The following SERPINE2 variants were observed in gnomAD, a reference collection of about 807,000 sequenced individuals.
SERPINE2 encodes serpin family E member 2.
Under a neutral mutation model 36.3 loss-of-function variants are expected in SERPINE2, and 14 were observed. The observed-to-expected ratio is 0.39, with a 90% CI of 0.25 to 0.60. The LOEUF (loss-of-function observed/expected upper bound fraction) is 0.60, where lower values mean the gene tolerates loss of function less well. Among genes scored for constraint, SERPINE2 ranks in the 20% least tolerant of loss-of-function variants. The pLI is 0.57. For synonymous variants in SERPINE2, 192 were observed against 191.8 expected (o/e 1.00, Z -0.01); for missense variants, 418 against 499.6 (o/e 0.84, Z 1.56).
chr2:223,986,818 C>T (rs778749745), intron 4 of SERPINE2, among the ~76,000 whole-genome samples: 1 of 152,074 alleles, frequency 6.6e-6, no homozygotes, highest in Non-Finnish European at 1.5e-5. Flanking sequence ...AACCATGAAC[C>T]GCATCCAGTC....
intron 1 of SERPINE2, among the ~76,000 whole-genome samples, chr2:224,015,862 G>A (rs1365733250): frequency 1.3e-5 from 2 of 152,140 alleles, no homozygotes; most frequent in Non-Finnish European, 2.9e-5. Flanking sequence ...AAGAGACTAG[G>A]AGAAAATATT....
Position 224,029,862 on chromosome 2 carries a change from C to T in SERPINE2, c.-23+9237G>A, listed in dbSNP as rs1692301149. ...TACGGGCGTGCGTCACCATGCCCAG[C>T]TAATTTTTTGCATTTTTAGTAGAGA... On this transcript the variant is annotated intron_variant, in intron 1 of 8. Coordinates refer to ENST00000409304, the MANE Select transcript of SERPINE2 (RefSeq NM_001136528.2). Among the ~76,000 whole-genome samples the T allele has an allele frequency of 2.0e-5, 3 of 152,224 alleles. No homozygotes were observed. The South Asian group carries it at 6.2e-4, about 32-fold the overall frequency.
At chr2:224,035,320 C>T (rs978430473) in intron 1 of SERPINE2, among the ~76,000 whole-genome samples, 4 of 152,156 alleles carry the variant, frequency 2.6e-5, no homozygotes, top group African/African-American at 9.7e-5. Flanking sequence ...CACTGGAAAC[C>T]CAGCAGCAGC....
At chr2:223,985,026 G>T in intron 4 of SERPINE2, 76 bp from the exon 5 acceptor site, 1 of 1,318,216 alleles carries the variant, frequency 7.6e-7, no homozygotes, top group Non-Finnish European at 1.1e-6. Context: ...TGGTCACCGG[G>T]ATAGCTTCAG....
intron 4 of SERPINE2, chr2:223,985,198 G>A (rs1690379284): frequency 7.9e-6 from 4 of 507,512 alleles, no homozygotes; most frequent in South Asian, 5.0e-5. Context: ...TTCTGTTAAG[G>A]AGAATTTAAC....
chr2:223,991,805 C>T lies in SERPINE2; in HGVS notation c.683G>A (p.Cys228Tyr). The T allele has an allele frequency of 1.2e-6, 2 of 1,613,774 alleles. No individual in the cohort carries two copies. Among genetic ancestry groups the T allele is most frequent in the East Asian group, 2.2e-5 (1 of 44,888 alleles). The change falls in exon 4 of 9, where the codon TGT (cysteine) becomes TAT (tyrosine). Residue 228 changes from cysteine to tyrosine, a missense_variant and splice_region_variant. By Grantham distance (194) the Cys-to-Tyr change is radical. Transcript: ENST00000409304. ...GGCTTCGCTGAGCATGAACTCACCA[C>T]ACCGGAACACGGAGAGCTGGGCCAG... Reference protein sequence around the residue: ...PMLAQLSVFRCGSTSAPNDLW... With the variant: ...PMLAQLSVFRYGSTSAPNDLW...
intron 1 of SERPINE2, chr2:224,031,131 G>C (rs1692349419): frequency 1.0e-6 from 1 of 985,392 alleles, no homozygotes; most frequent in Admixed American, 6.1e-5. Flanking sequence ...GTAAATCTTT[G>C]AATATCCATG....
chr2:223,985,769 C>T (rs1416769062), intron 4 of SERPINE2, among the ~76,000 whole-genome samples: 4 of 152,222 alleles, frequency 2.6e-5, no homozygotes, highest in Admixed American at 2.6e-4. Flanking sequence ...GGATTGTCTT[C>T]CTCCTACTTC....
chr2:223,989,739 C>G (rs551231934), intron 4 of SERPINE2, among the ~76,000 whole-genome samples: 36 of 152,282 alleles, frequency 2.4e-4, no homozygotes, highest in Non-Finnish European at 4.1e-4. Context: ...GTGAGCTAAG[C>G]TGTTCGCCGT....
chr2:224,005,044 ATTTTATATATTTTATATATAT>A (rs1691343409), intron 1 of SERPINE2, among the ~76,000 whole-genome samples: 1 of 20,250 alleles, frequency 4.9e-5, no homozygotes, highest in Non-Finnish European at 1.1e-4. Context: ...ATATAAATAT[ATTTTATATATTTTATATATAT>A]TATATATATA....
At chr2:224,036,100 G>T (rs1050028541) in intron 1 of SERPINE2, among the ~76,000 whole-genome samples, 1 of 152,098 alleles carries the variant, frequency 6.6e-6, no homozygotes, top group Admixed American at 6.5e-5. Context: ...GGCCTAAAGG[G>T]CACGGGTAAG....
intron 1 of SERPINE2, among the ~76,000 whole-genome samples, chr2:224,037,993 A>G: frequency 6.6e-6 from 1 of 152,194 alleles, no homozygotes; most frequent in East Asian, 1.9e-4. Context: ...AAATACTGCA[A>G]ATAGCAAATA....
At position 223,998,241 on chromosome 2, in the gene SERPINE2, C is replaced by T. The variant is rs766183421; in HGVS notation, c.361G>A (p.Glu121Lys). The T allele has an allele frequency of 1.9e-6, 3 of 1,614,166 alleles. No individual in the cohort carries two copies. The South Asian group carries it at 3.3e-5, about 18-fold the overall frequency. ...CTTGTAACAAAAGGCACTTCAATTT[C>T]AGAGGCATTCTTAACAAACACGGCG... The part of the protein sequence containing the change: ...ANAVFVKNAS[E>K]IEVPFVTRNK... Residue 121 changes from glutamate to lysine, a missense_variant, in exon 3 of 9, where the codon GAA becomes AAA. By Grantham distance (56) the Glu-to-Lys change is moderately conservative (BLOSUM62 1). Coordinates refer to ENST00000409304, the MANE Select transcript of SERPINE2 (RefSeq NM_001136528.2).
chr2:224,026,019 T>A lies in SERPINE2; in HGVS notation c.-23+13080A>T, dbSNP rs145570445. 3.7e-3 allele frequency among the ~76,000 whole-genome samples: 569 copies of A among 152,360 alleles called. 4 individuals carry two copies. The highest frequency in any genetic ancestry group is 0.013 in the African/African-American group (544 of 41,584). Reference sequence around the variant, plus strand: ...GGGCGTGACCATAAGGCTGAACTGTTCTTAATGAAATAGGAGAAGTGACAC... The same window carrying A: ...GGGCGTGACCATAAGGCTGAACTGTACTTAATGAAATAGGAGAAGTGACAC... On this transcript the variant is annotated intron_variant, in intron 1 of 8. Transcript: ENST00000409304.
At chr2:223,988,783 G>C (rs1690533903) in intron 4 of SERPINE2, among the ~76,000 whole-genome samples, 1 of 152,098 alleles carries the variant, frequency 6.6e-6, no homozygotes, top group Non-Finnish European at 1.5e-5. Context: ...GTTGTTATAG[G>C]AAAAAAGCAG....
intron 1 of SERPINE2, among the ~76,000 whole-genome samples, chr2:224,009,554 G>T (rs1691551538): frequency 6.6e-6 from 1 of 152,100 alleles, no homozygotes; most frequent in East Asian, 1.9e-4. Flanking sequence ...AATCAGCTGG[G>T]TGTGGTAGCA....
At chr2:224,009,217 C>A (rs1559211465) in intron 1 of SERPINE2, among the ~76,000 whole-genome samples, 1 of 152,150 alleles carries the variant, frequency 6.6e-6, no homozygotes, top group Non-Finnish European at 1.5e-5. Flanking sequence ...AAGCTGACAC[C>A]TTCTCAGGCA....
At position 224,030,901 on chromosome 2, in the gene SERPINE2, T is replaced by A. The variant is rs192564622; in HGVS notation, c.-23+8198A>T. The stretch of plus-strand genomic sequence containing the variant: ...CAAAGGTCAGTACTAATTTTAGATT[T>A]CAGTCCCAGAAAAAAACAAGTGTCT... On this transcript the variant is annotated intron_variant, in intron 1 of 8. Transcript: ENST00000409304. 1.3e-4 allele frequency: 120 copies of A among 931,978 alleles called. No homozygotes were observed. In the East Asian group the frequency reaches 0.012, roughly 91 times the overall value. 57.7% of individuals were successfully genotyped at this position (931,978 alleles called of 1,614,324 possible). A position where few individuals can be genotyped will look rare whatever the true frequency, so the allele number is the denominator to read the frequency against.
At chr2:224,012,670 A>G (rs1044155049) in intron 1 of SERPINE2, among the ~76,000 whole-genome samples, 1 of 152,162 alleles carries the variant, frequency 6.6e-6, no homozygotes, top group African/African-American at 2.4e-5. Flanking sequence ...AAATATCTAT[A>G]TAGTTATTTC....
Sources: allele counts gnomAD v4.1 joint callset (sites outside exome capture counted in the v4.1 genomes callset), GRCh38; gene constraint gnomAD v4.1.1; transcripts MANE v1.5; gene names NCBI Gene and HGNC (gene_info 2026-07-23, HGNC 2026-07-21).